The following TNPO1 variants were observed in gnomAD, a reference collection of about 807,000 sequenced individuals.
TNPO1 encodes transportin 1.
In TNPO1, 8 loss-of-function variants were observed where a neutral mutation model predicts 119.5. The ratio of observed to expected loss-of-function variants is 0.07; its 90% CI spans 0.04 to 0.12. TNPO1 has a LOEUF of 0.12. Among genes scored for constraint, TNPO1 ranks in the 10% least tolerant of loss-of-function variants. The pLI is 1.00. For synonymous variants in TNPO1, 362 were observed against 363.0 expected (o/e 1.00, Z 0.03); for missense variants, 576 against 1,089.8 (o/e 0.53, Z 6.64).
At chr5:72,893,112 T>G in intron 15 of TNPO1, 27 bp from the exon 16 acceptor site, 1 of 1,565,160 alleles carries the variant, frequency 6.4e-7, no homozygotes, top group Non-Finnish European at 8.8e-7. Context: ...CCCAGAAAGT[T>G]TAGCATGTGT....
At chr5:72,863,128 A>G (rs1481713740) in intron 5 of TNPO1, among the ~76,000 whole-genome samples, 1 of 151,952 alleles carries the variant, frequency 6.6e-6, no homozygotes, top group East Asian at 1.9e-4. Flanking sequence ...TAGTGGATAC[A>G]GTAAGTATCT....
chr5:72,858,100 A>G (rs1274634213), intron 4 of TNPO1, among the ~76,000 whole-genome samples: 4 of 152,210 alleles, frequency 2.6e-5, no homozygotes, highest in African/African-American at 9.6e-5. Flanking sequence ...CAGTATAGAA[A>G]CAGCTTTTAT....
intron 11 of TNPO1, among the ~76,000 whole-genome samples, chr5:72,886,868 G>A (rs558667832): frequency 2.5e-4 from 28 of 113,116 alleles, no homozygotes; most frequent in African/African-American, 9.4e-4. Flanking sequence ...CAGCCTGAGC[G>A]ACAGAACAAG....
chr5:72,863,193 A>C (rs1746613005), intron 5 of TNPO1, among the ~76,000 whole-genome samples: 1 of 151,990 alleles, frequency 6.6e-6, no homozygotes, highest in African/African-American at 2.4e-5. Flanking sequence ...TGGAAACCAT[A>C]TTTGGTGTTT....
Position 72,893,182 on chromosome 5 carries a change from C to T in TNPO1, c.1832C>T (p.Pro611Leu). 1.9e-6 allele frequency: 3 copies of T among 1,614,136 alleles called. No homozygotes were observed. The East Asian group carries it at 6.7e-5, about 36-fold the overall frequency. The change falls in exon 16 of 25, where the codon CCG (proline) becomes CTG (leucine). Residue 611 changes from proline to leucine, a missense_variant. This residue lies in a region of TNPO1 where 23 missense variants were observed against 105.8 expected (regional missense o/e 0.22). Transcript: ENST00000337273. ...VATALQSGFL[P>L]YCEPVYQRCV... is the part of the protein sequence containing the mutation. ...ACAGCACTGCAGTCTGGATTCCTTCCGTACTGTGAACCTGTGTATCAGCGT... is the reference window on the plus strand; with the variant it reads ...ACAGCACTGCAGTCTGGATTCCTTCTGTACTGTGAACCTGTGTATCAGCGT...
chr5:72,912,036 G>A lies in TNPO1; in HGVS notation c.*3363G>A, dbSNP rs186750730. On this transcript the variant is annotated 3_prime_UTR_variant, in exon 25 of 25. Transcript: ENST00000337273. ...TATTCAGGAAAGAATTTTGCTTTTTGTATTGTCTAATCTCTTCAATGACTT... is the reference window on the plus strand; with the variant it reads ...TATTCAGGAAAGAATTTTGCTTTTTATATTGTCTAATCTCTTCAATGACTT... 30 of 152,420 alleles carry A rather than the reference G, an allele frequency of 2.0e-4. No individual in the cohort carries two copies. Among genetic ancestry groups the A allele is most frequent in the Non-Finnish European group, 2.8e-4 (19 of 67,894 alleles). 9.4% of individuals were successfully genotyped at this position (152,420 alleles called of 1,614,324 possible).
At chr5:72,896,413 A>G (rs550339281) in intron 18 of TNPO1, 45 bp from the exon 19 acceptor site, 1 of 1,337,328 alleles carries the variant, frequency 7.5e-7, no homozygotes, top group Admixed American at 1.7e-5. Flanking sequence ...AGTACAATAT[A>G]CTGCTATTGA....
At chr5:72,820,794 G>T (rs1312605496) in intron 1 of TNPO1, among the ~76,000 whole-genome samples, 1 of 152,082 alleles carries the variant, frequency 6.6e-6, no homozygotes, top group Non-Finnish European at 1.5e-5. Flanking sequence ...ACTGAGCTGG[G>T]AATAATGAAT....
At position 72,896,553 on chromosome 5, in the gene TNPO1, A is replaced by T. The variant is rs781348451; in HGVS notation, c.2239A>T (p.Met747Leu). ...GGCAATTGGAGAAATCTCCATTCAA[A>T]TGGGTAAGATGTTTTTCCCTATTTA... Reference protein sequence around the residue: ...TWAIGEISIQMGIEMQPYIPM... With the variant: ...TWAIGEISIQLGIEMQPYIPM... Residue 747 changes from methionine to leucine, a missense_variant, in exon 19 of 25, where the codon ATG (methionine) becomes TTG (leucine). Coordinates refer to ENST00000337273, the MANE Select transcript of TNPO1 (RefSeq NM_002270.4). 6.2e-7 allele frequency: 1 copy of T among 1,609,906 alleles called. No homozygotes were observed. Among genetic ancestry groups the T allele is most frequent in the East Asian group, 2.2e-5 (1 of 44,734 alleles).
chr5:72,863,307 A>C lies in TNPO1; in HGVS notation c.462+1393A>C, dbSNP rs576680352. On this transcript the variant is annotated intron_variant, in intron 5 of 24. Coordinates refer to ENST00000337273, the MANE Select transcript of TNPO1 (RefSeq NM_002270.4). ...AACAACAAAAAAACCCCACAGGAAT[A>C]ACCTAACCTAAAAGGGAAAAAAGAA... Among the ~76,000 whole-genome samples, 14 of 152,282 alleles carry C rather than the reference A, an allele frequency of 9.2e-5. No homozygotes were observed. The South Asian group carries it at 2.7e-3, about 29-fold the overall frequency.
intron 4 of TNPO1, among the ~76,000 whole-genome samples, chr5:72,856,672 A>G (rs1561313940): frequency 6.6e-6 from 1 of 152,248 alleles, no homozygotes; most frequent in Non-Finnish European, 1.5e-5. Context: ...CCTTGTTTTT[A>G]AATATAAGCC....
chr5:72,880,563 C>T (rs1748163655), intron 9 of TNPO1, among the ~76,000 whole-genome samples: 1 of 151,978 alleles, frequency 6.6e-6, no homozygotes, highest in Non-Finnish European at 1.5e-5. Flanking sequence ...GCCTGTAATC[C>T]CAGCACTTTG....
intron 11 of TNPO1, among the ~76,000 whole-genome samples, chr5:72,885,130 A>T (rs1039858899): frequency 6.6e-6 from 1 of 152,250 alleles, no homozygotes; most frequent in Non-Finnish European, 1.5e-5. Flanking sequence ...CTTTGCATGC[A>T]TATCAAAGTC....
chr5:72,857,541 C>T (rs1390423258), intron 4 of TNPO1, among the ~76,000 whole-genome samples: 1 of 152,178 alleles, frequency 6.6e-6, no homozygotes, highest in African/African-American at 2.4e-5. Flanking sequence ...GCTTTACCTA[C>T]TCTTGACACT....
At chr5:72,864,499 A>G (rs939700645) in intron 5 of TNPO1, among the ~76,000 whole-genome samples, 24 of 152,226 alleles carry the variant, frequency 1.6e-4, no homozygotes, top group Admixed American at 3.3e-4. Context: ...AAATGATTAT[A>G]GGAAAATGGT....
At chr5:72,829,207 A>G (rs1456144172) in intron 1 of TNPO1, among the ~76,000 whole-genome samples, 1 of 152,256 alleles carries the variant, frequency 6.6e-6, no homozygotes, top group Non-Finnish European at 1.5e-5. Flanking sequence ...TGGAACCACA[A>G]GTGCTTCAGA....
rs186141036 is a variant in TNPO1 at position 72,903,111 on chromosome 5, A to G, written c.2515-598A>G. ...AAGCATATTATTATCTTGTTCTTAT[A>G]GTCAGAATAGCCTGATTATCTTTTA... On this transcript the variant is annotated intron_variant, in intron 22 of 24. Coordinates refer to ENST00000337273, the MANE Select transcript of TNPO1 (RefSeq NM_002270.4). Among the ~76,000 whole-genome samples the G allele has an allele frequency of 2.5e-3, 388 of 152,300 alleles. 1 individual carries two copies. The highest frequency in any genetic ancestry group is 4.2e-3 in the Non-Finnish European group (285 of 68,006).
intron 5 of TNPO1, among the ~76,000 whole-genome samples, chr5:72,864,302 A>G (rs989542596): frequency 1.1e-4 from 17 of 152,208 alleles, no homozygotes; most frequent in African/African-American, 4.1e-4. Context: ...ATAAAATCTA[A>G]AAGGATGTTG....
rs553314766 is a variant in TNPO1, at chr5:72,885,601, A to G, written c.1151-1469A>G. Among the ~76,000 whole-genome samples, 201 of 152,270 alleles carry G rather than the reference A, an allele frequency of 1.3e-3. 2 individuals carry two copies. Among genetic ancestry groups the G allele is most frequent in the Middle Eastern group, 3.4e-3 (1 of 294 alleles). ...CGTATGCCTCATTCTTCCTCAGTAC[A>G]TACAGATTTAGATTTCCTTTTGTTG... On this transcript the variant is annotated intron_variant, in intron 11 of 24. Transcript: ENST00000337273.
Sources: gnomAD v4.1 joint callset for allele counts (sites outside exome capture counted in the v4.1 genomes callset) on GRCh38, gnomAD v4.1.1 for gene constraint, gnomAD v4.1.1 regional missense constraint, MANE v1.5 for transcripts, NCBI Gene and HGNC (gene_info 2026-07-23, HGNC 2026-07-21) for gene names.